The following RANBP2 variants were observed in gnomAD, a reference collection of about 807,000 sequenced individuals.
The protein encoded by RANBP2 is RAN binding protein 2.
A neutral mutation model predicts 303.6 loss-of-function variants in RANBP2; 57 were observed. The observed-to-expected ratio is 0.19, with a 90% confidence interval of 0.15 to 0.23. RANBP2 has a LOEUF of 0.23. Ranked by LOEUF, RANBP2 falls within the 10% of genes least tolerant of loss-of-function variation. The probability of loss-of-function intolerance (pLI) is 1.00; values close to 1 mark genes in which losing one functional copy is unlikely to be tolerated. For synonymous variants in RANBP2, 1,167 were observed against 1,301.5 expected (o/e 0.90, Z 2.23); for missense variants, 3,138 against 3,780.8 (o/e 0.83, Z 4.46).
chr2:109,307,939 A>C, the RANBP2 span, among the ~76,000 whole-genome samples: 1 of 132,516 alleles, frequency 7.5e-6, no homozygotes, highest in Non-Finnish European at 1.6e-5. Context: ...GTATATACCC[A>C]GTAATGGGAT....
the RANBP2 span, among the ~76,000 whole-genome samples, chr2:108,932,516 G>A: frequency 8.1e-6 from 1 of 123,920 alleles, no homozygotes; most frequent in Non-Finnish European, 1.6e-5. Context: ...GCGACAGAGT[G>A]AGACTCTGTC....
At chr2:109,059,022 T>C in the RANBP2 span, among the ~76,000 whole-genome samples, 1 of 151,800 alleles carries the variant, frequency 6.6e-6, no homozygotes, top group Non-Finnish European at 1.5e-5. Context: ...ATAGTGGCCA[T>C]GGAGAGAAGA....
the RANBP2 span, among the ~76,000 whole-genome samples, chr2:109,153,594 T>G: frequency 5.3e-5 from 8 of 152,098 alleles, no homozygotes; most frequent in Non-Finnish European, 1.2e-4. Context: ...ACAGATGCCC[T>G]GTGTGTGTGG....
At chr2:109,364,583 G>A in the RANBP2 span, among the ~76,000 whole-genome samples, 1 of 152,196 alleles carries the variant, frequency 6.6e-6, no homozygotes, top group African/African-American at 2.4e-5. Flanking sequence ...AAGAACTGCT[G>A]TAAATAGGCC....
chr2:108,936,811 C>G, the RANBP2 span, among the ~76,000 whole-genome samples: 2 of 152,184 alleles, frequency 1.3e-5, no homozygotes, highest in Non-Finnish European at 2.9e-5. Flanking sequence ...CTGCTTTAGT[C>G]GGATCTGTTT....
chr2:109,061,331 G>A, the RANBP2 span, among the ~76,000 whole-genome samples: 1 of 152,154 alleles, frequency 6.6e-6, no homozygotes, highest in Non-Finnish European at 1.5e-5. Context: ...AAAAATATAT[G>A]TTAAGGAAAA....
At chr2:109,508,026 G>A in the RANBP2 span, among the ~76,000 whole-genome samples, 1 of 152,192 alleles carries the variant, frequency 6.6e-6, no homozygotes, top group South Asian at 2.1e-4. Flanking sequence ...GTGCTCACAT[G>A]ACGTTTGTGG....
chr2:109,342,795 G>A, the RANBP2 span, among the ~76,000 whole-genome samples: 1 of 152,232 alleles, frequency 6.6e-6, no homozygotes, highest in Admixed American at 6.5e-5. Flanking sequence ...TCCACGGGTA[G>A]GACATTAAGT....
chr2:109,684,245 C>CTTTTTTTT, the RANBP2 span, among the ~76,000 whole-genome samples: 27 of 87,138 alleles, frequency 3.1e-4, 4 homozygotes, highest in African/African-American at 3.0e-4. Context: ...CCCGGTCTTA[C>CTTTTTTTT]TTTTTTTTTT....
chr2:108,825,183 G>A, the RANBP2 span, among the ~76,000 whole-genome samples: 1 of 152,130 alleles, frequency 6.6e-6, no homozygotes, highest in African/African-American at 2.4e-5. Flanking sequence ...AGGATGTAAA[G>A]TGTCCAAAAC....
chr2:109,027,601 G>A, the RANBP2 span, among the ~76,000 whole-genome samples: 1 of 152,172 alleles, frequency 6.6e-6, no homozygotes, highest in Non-Finnish European at 1.5e-5. Context: ...TCCTGTAAGT[G>A]GTGACAGACC....
chr2:109,693,189 A>T, the RANBP2 span, among the ~76,000 whole-genome samples: 36 of 144,578 alleles, frequency 2.5e-4, no homozygotes, highest in African/African-American at 8.7e-4. Context: ...TTATTTTTTT[A>T]TTTTTTGAGA....
In RANBP2 at chr2:108,767,735, A is replaced by G; in HGVS notation, c.7196A>G (p.Glu2399Gly). Reference sequence around the variant, plus strand: ...ACTTTGCAAAATATGAAAGGGACAGAAAGAGTATGGTTGTGGACTGCATGT... The same window carrying G: ...ACTTTGCAAAATATGAAAGGGACAGGAAGAGTATGGTTGTGGACTGCATGT... Reference protein sequence around the residue: ...DMTLQNMKGTERVWLWTACDF... With the variant: ...DMTLQNMKGTGRVWLWTACDF... Residue 2399 changes from glutamate to glycine, a missense_variant, in exon 20 of 29, where the codon GAA (glutamate) becomes GGA (glycine). Transcript: ENST00000283195. 6.2e-7 allele frequency: 1 copy of G among 1,612,046 alleles called. No individual in the cohort carries two copies. Among genetic ancestry groups the G allele is most frequent in the Non-Finnish European group, 8.5e-7 (1 of 1,179,870 alleles).
chr2:108,804,559 A>G, the RANBP2 span, among the ~76,000 whole-genome samples: 1 of 152,252 alleles, frequency 6.6e-6, no homozygotes, highest in East Asian at 1.9e-4. Context: ...TTACTGTTTT[A>G]TTATTCCATG....
the RANBP2 span, among the ~76,000 whole-genome samples, chr2:109,439,005 C>T: frequency 6.6e-6 from 1 of 152,172 alleles, no homozygotes; most frequent in Non-Finnish European, 1.5e-5. Context: ...AGTGCAGTGG[C>T]CCTGGGTTGT....
At chr2:109,098,267 C>A in the RANBP2 span, among the ~76,000 whole-genome samples, 1 of 152,156 alleles carries the variant, frequency 6.6e-6, no homozygotes, top group Non-Finnish European at 1.5e-5. Context: ...ATGTACAAGT[C>A]CCCAGCAGTC....
the RANBP2 span, among the ~76,000 whole-genome samples, chr2:108,977,097 A>G: frequency 1.3e-5 from 2 of 152,212 alleles, no homozygotes; most frequent in African/African-American, 4.8e-5. Context: ...GGACGCCAAT[A>G]AGGAGGCACT....
the RANBP2 span, among the ~76,000 whole-genome samples, chr2:109,447,624 T>C: frequency 6.6e-6 from 1 of 152,138 alleles, no homozygotes; most frequent in South Asian, 2.1e-4. Context: ...AGGTCTCCAC[T>C]TGGGCCAGAA....
the RANBP2 span, among the ~76,000 whole-genome samples, chr2:108,815,593 G>A: frequency 6.7e-6 from 1 of 150,110 alleles, no homozygotes; most frequent in Non-Finnish European, 1.5e-5. Flanking sequence ...AGCCTTCCGA[G>A]TAGCTGGGAT....
Sources: gnomAD v4.1 joint callset for allele counts (sites outside exome capture counted in the v4.1 genomes callset) on GRCh38, gnomAD v4.1.1 for gene constraint, MANE v1.5 for transcripts, NCBI Gene and HGNC (gene_info 2026-07-23, HGNC 2026-07-21) for gene names.